The following TNFSF18 variants were observed in gnomAD, a reference collection of about 807,000 sequenced individuals.
TNFSF18 encodes the protein TNF superfamily member 18.
In TNFSF18, 6 loss-of-function variants were observed where a neutral mutation model predicts 9.6. The ratio of observed to expected loss-of-function variants is 0.63; its 90% CI spans 0.34 to 1.24. TNFSF18 has a LOEUF of 1.24. Ranked by LOEUF, TNFSF18 falls within the 50% of genes most tolerant of loss-of-function variation. The pLI is 0.03. For missense variants in TNFSF18, 210 were observed against 201.0 expected, an observed-to-expected ratio of 1.04 and a Z score of -0.27; for synonymous variants, 68 against 71.7, an observed-to-expected ratio of 0.95 and a Z score of 0.26.
intron 1 of TNFSF18, among the ~76,000 whole-genome samples, chr1:173,049,455 C>T (rs1227734883): frequency 1.3e-5 from 2 of 152,146 alleles, no homozygotes; most frequent in Non-Finnish European, 2.9e-5. Context: ...CACACTTCTG[C>T]TTCATACATT....
At position 173,040,067 on chromosome 1, in the gene TNFSF18, C is replaced by A. The variant is rs1239145129; in HGVS notation, c.*1300G>T. The stretch of plus-strand genomic sequence containing the variant: ...TTATATACCTTTCAACAAGAACCTG[C>A]AAGTAGCTAATTTAAGAGTCCAAAA... On this transcript the variant is annotated 3_prime_UTR_variant, in exon 3 of 3. Transcript: ENST00000404377. The A allele has an allele frequency of 6.6e-6, 1 of 151,964 alleles. No homozygotes were observed. Among genetic ancestry groups the A allele is most frequent in the Non-Finnish European group, 1.5e-5 (1 of 67,988 alleles). The allele number at this position is 151,964 out of a possible 1,614,324, so 9.4% of individuals were successfully genotyped here. A position where few individuals can be genotyped will look rare whatever the true frequency, so the allele number is the denominator to read the frequency against.
intron 1 of TNFSF18, among the ~76,000 whole-genome samples, 158 bp downstream of exon 1, chr1:173,050,583 C>T (rs1297753272): frequency 6.6e-6 from 1 of 152,152 alleles, no homozygotes. Flanking sequence ...CTTCAAACGC[C>T]ATGTCATGAC....
rs757168964 is a variant in TNFSF18 at position 173,039,466 on chromosome 1, T to C, written c.*1901A>G. Among the ~76,000 whole-genome samples, 8 of 151,814 alleles carry C rather than the reference T, an allele frequency of 5.3e-5. No individual in the cohort carries two copies. Among genetic ancestry groups the C allele is most frequent in the Non-Finnish European group, 8.8e-5 (6 of 67,966 alleles). On this transcript the variant is annotated 3_prime_UTR_variant, in exon 3 of 3. Transcript: ENST00000404377. ...GGAATGAAGCGGGGGCAGAGAGGAGTCATTAAGGAGAGTTTCACAGTGGTG... is the reference window on the plus strand; with the variant it reads ...GGAATGAAGCGGGGGCAGAGAGGAGCCATTAAGGAGAGTTTCACAGTGGTG...
At chr1:173,045,107 AG>A (rs56685999) in intron 1 of TNFSF18, among the ~76,000 whole-genome samples, 3,559 of 152,304 alleles carry the variant, frequency 0.023, 138 homozygotes, top group African/African-American at 0.081. Context: ...AATCCAAGTA[AG>A]TGTGTCAAGC....
At position 173,041,531 on chromosome 1, in the gene TNFSF18, T is replaced by G; in HGVS notation, c.370A>C (p.Ile124Leu). The G allele has an allele frequency of 6.2e-7, 1 of 1,613,602 alleles. No individual in the cohort carries two copies. The highest frequency in any genetic ancestry group is 8.5e-7 in the Non-Finnish European group (1 of 1,179,658). The change falls in exon 3 of 3, where the codon ATA becomes CTA. Residue 124 changes from isoleucine (I) to leucine (L), a missense_variant. Coordinates refer to ENST00000404377, the MANE Select transcript of TNFSF18 (RefSeq NM_005092.4). Reference protein sequence around the residue: ...EVRLYKNKDMIQTLTNKSKIQ... With the variant: ...EVRLYKNKDMLQTLTNKSKIQ... ...TTAGATTTGTTTGTTAGAGTTTGTA[T>G]CATGTCTTTGTTTTTATACAGCCGC...
intron 2 of TNFSF18, 100 bp from the exon 3 acceptor site, chr1:173,041,813 T>A: frequency 2.9e-6 from 3 of 1,046,186 alleles, no homozygotes; most frequent in South Asian, 2.0e-5. Flanking sequence ...ATACATGTTG[T>A]TTCTTTACCT....
chr1:173,047,915 T>C (rs567354076), intron 1 of TNFSF18, among the ~76,000 whole-genome samples: 1 of 152,272 alleles, frequency 6.6e-6, no homozygotes, highest in East Asian at 1.9e-4. Flanking sequence ...GCAAAGACTA[T>C]CCATATTGTT....
At chr1:173,044,616 TGTA>T (rs1349825920) in intron 1 of TNFSF18, among the ~76,000 whole-genome samples, 5 of 152,232 alleles carry the variant, frequency 3.3e-5, no homozygotes, top group Non-Finnish European at 7.3e-5. Flanking sequence ...AAAAATACGT[TGTA>T]GTAAATTCAG....
At position 173,039,624 on chromosome 1, in the gene TNFSF18, A is replaced by G. The variant is rs1374684380; in HGVS notation, c.*1743T>C. On this transcript the variant is annotated 3_prime_UTR_variant, in exon 3 of 3. Transcript: ENST00000404377. The stretch of plus-strand genomic sequence containing the variant: ...AAAGTGCAACATTCCTGAAAATTTA[A>G]TAATATGTGCTTATAAGCTAGCACC... 6.6e-6 allele frequency among the ~76,000 whole-genome samples: 1 copy of G among 152,090 alleles called. No homozygotes were observed. Among genetic ancestry groups the G allele is most frequent in the Admixed American group, 6.6e-5 (1 of 15,226 alleles).
chr1:173,050,704 T>C lies in TNFSF18; in HGVS notation c.156+37A>G, dbSNP rs1338984898. 6 of 1,362,266 alleles carry C rather than the reference T, an allele frequency of 4.4e-6. No individual in the cohort carries two copies. The African/African-American group carries it at 7.3e-5, about 17-fold the overall frequency. 84.4% of individuals were successfully genotyped at this position (1,362,266 alleles called of 1,614,324 possible). A position where few individuals can be genotyped will look rare whatever the true frequency, so the allele number is the denominator to read the frequency against. On this transcript the variant is annotated intron_variant, in intron 1 of 2. Coordinates refer to ENST00000404377, the MANE Select transcript of TNFSF18 (RefSeq NM_005092.4). ...AGAAAAACAAATAAATAGAGGATTA[T>C]AGCAAATAGTAACCTTAGGTACAAT...
chr1:173,050,180 TAAAG>T (rs1291249115), intron 1 of TNFSF18, among the ~76,000 whole-genome samples: 1 of 152,156 alleles, frequency 6.6e-6, no homozygotes, highest in Non-Finnish European at 1.5e-5. Context: ...TTTTTTTAGA[TAAAG>T]AAGCTGCAAA....
rs1304101445 is a variant in TNFSF18 at position 173,041,714 on chromosome 1, C to T, written c.188-1G>A. 4 of 1,577,072 alleles carry T rather than the reference C, an allele frequency of 2.5e-6. No individual in the cohort carries two copies. Among genetic ancestry groups the T allele is most frequent in the South Asian group, 2.4e-5 (2 of 84,784 alleles). On this transcript the variant is annotated splice_acceptor_variant, in intron 2 of 2. Coordinates refer to ENST00000404377, the MANE Select transcript of TNFSF18 (RefSeq NM_005092.4). LOFTEE classifies it high-confidence loss of function. ...ATTTGCCATTTTGAGGGTAATGGTC[C>T]TATAAGAAATATACAAGGATAAAAA...
intron 1 of TNFSF18, among the ~76,000 whole-genome samples, chr1:173,048,589 T>G (rs1665119452): frequency 6.6e-6 from 1 of 152,174 alleles, no homozygotes; most frequent in Non-Finnish European, 1.5e-5. Context: ...ATCCTTTTAG[T>G]TAAATATTTT....
intron 1 of TNFSF18, among the ~76,000 whole-genome samples, chr1:173,047,962 A>C (rs974775442): frequency 6.6e-6 from 1 of 152,150 alleles, no homozygotes; most frequent in African/African-American, 2.4e-5. Flanking sequence ...TTATTATCTC[A>C]TTAATAGTAA....
In TNFSF18 at chr1:173,039,739, TACACACACACAC is replaced by T. The variant is rs562779540; in HGVS notation, c.*1616_*1627del. Among the ~76,000 whole-genome samples, 1 of 146,420 alleles carries T rather than the reference TACACACACACAC, an allele frequency of 6.8e-6. No homozygotes were observed. Among genetic ancestry groups the T allele is most frequent in the East Asian group, 2.0e-4 (1 of 5,020 alleles). On this transcript the variant is annotated 3_prime_UTR_variant, in exon 3 of 3. Coordinates refer to ENST00000404377, the MANE Select transcript of TNFSF18 (RefSeq NM_005092.4). Reference sequence around the variant, plus strand: ...ATACATATATATACACACACACATATACACACACACACACACACACACACACATATGTATGAC... The same window carrying T: ...ATACATATATATACACACACACATATACACACACACACACATATGTATGAC...
intron 2 of TNFSF18, 105 bp from the exon 3 acceptor site, chr1:173,041,818 T>TGA: frequency 2.1e-6 from 2 of 945,796 alleles, no homozygotes; most frequent in East Asian, 2.8e-5. Flanking sequence ...TGTTGTTTCT[T>TGA]TACCTGATCT....
intron 1 of TNFSF18, among the ~76,000 whole-genome samples, chr1:173,048,997 CA>C (rs1665125800): frequency 6.6e-6 from 1 of 152,200 alleles, no homozygotes; most frequent in Non-Finnish European, 1.5e-5. Context: ...CCTGTCAGAA[CA>C]ATATTCTAAA....
In TNFSF18 at chr1:173,050,728, A is replaced by T; in HGVS notation, c.156+13T>A. On this transcript the variant is annotated intron_variant, in intron 1 of 2. Transcript: ENST00000404377. ...ATAGCAAATAGTAACCTTAGGTACA[A>T]TTGCCTCCTTACCTCTAATTGGAGA... The T allele has an allele frequency of 6.4e-7, 1 of 1,554,246 alleles. No individual in the cohort carries two copies. The highest frequency in any genetic ancestry group is 8.8e-7 in the Non-Finnish European group (1 of 1,138,346).
intron 1 of TNFSF18, among the ~76,000 whole-genome samples, chr1:173,049,358 C>T (rs1195935510): frequency 6.6e-6 from 1 of 152,130 alleles, no homozygotes; most frequent in Non-Finnish European, 1.5e-5. Context: ...TAAGTTATTG[C>T]TATTCTCACC....
Sources: allele counts gnomAD v4.1 joint callset (sites outside exome capture counted in the v4.1 genomes callset), GRCh38; gene constraint gnomAD v4.1.1; transcripts MANE v1.5; gene names NCBI Gene and HGNC (gene_info 2026-07-23, HGNC 2026-07-21).